NFE2L3: variants seen among roughly 807,000 people sequenced by gnomAD.
NFE2L3 encodes nuclear factor erythroid 2-related factor 3.
NFE2L3 carries 18 observed loss-of-function variants against 23.5 expected under a neutral mutation model. The ratio of observed to expected loss-of-function variants is 0.77; its 90% confidence interval spans 0.53 to 1.13. The LOEUF is 1.13. NFE2L3 is among the 50% of genes most tolerant of loss of function. NFE2L3 has a pLI of 0.00. For missense variants in NFE2L3, 1,152 were observed against 877.2 expected (o/e 1.31, Z -3.96); for synonymous variants, 424 against 354.5 (o/e 1.20, Z -2.20).
At chr7:26,157,433 G>A (rs1407101509) in intron 1 of NFE2L3, among the ~76,000 whole-genome samples, 2 of 151,898 alleles carry the variant, frequency 1.3e-5, no homozygotes, top group East Asian at 3.9e-4. Context: ...ATGAGCTACT[G>A]CACCTGGCCT....
At chr7:26,179,444 G>A (rs1270976302) in intron 2 of NFE2L3, among the ~76,000 whole-genome samples, 1 of 151,410 alleles carries the variant, frequency 6.6e-6, no homozygotes, top group African/African-American at 2.4e-5. Flanking sequence ...AGGCTGCAGT[G>A]AGCTGTGATC....
At chr7:26,181,380 A>G (rs1784505707) in intron 2 of NFE2L3, among the ~76,000 whole-genome samples, 1 of 152,156 alleles carries the variant, frequency 6.6e-6, no homozygotes, top group African/African-American at 2.4e-5. Context: ...AATGAGTTAG[A>G]CCAGTGAATC....
intron 1 of NFE2L3, among the ~76,000 whole-genome samples, chr7:26,165,080 C>T (rs1323578109): frequency 7.2e-5 from 11 of 152,124 alleles, no homozygotes; most frequent in East Asian, 1.9e-4. Flanking sequence ...AGTCAGGTAG[C>T]GTGATGCCTC....
At chr7:26,174,682 T>A (rs951944523) in intron 1 of NFE2L3, 1 of 152,226 alleles carries the variant, frequency 6.6e-6, no homozygotes, top group Middle Eastern at 3.2e-3. Flanking sequence ...TTGATTTTTA[T>A]CCTTTCTTCT....
Position 26,152,979 on chromosome 7 carries a change from C to T in NFE2L3, c.481C>T (p.Arg161Trp). Residue 161 changes from arginine to tryptophan, a missense_variant, in exon 1 of 4, where the codon CGG (arginine) becomes TGG (tryptophan). Physicochemically the swap from Arg to Trp is moderately radical, Grantham distance 101 (BLOSUM62 -3). Transcript: ENST00000056233. This position sits in a 1 kb window ranked among gnomAD's most constrained non-coding sequence, Gnocchi z 4.4. ...QGGGGDPRAA[R>W]SGPLDAGEEE... The stretch of plus-strand genomic sequence containing the variant: ...GGGCGGCGGGGACCCCCGAGCGGCT[C>T]GGAGTGGCCCCTTGGACGCCGGGGA... 2 of 1,505,042 alleles carry T rather than the reference C, an allele frequency of 1.3e-6. No homozygotes were observed. The highest frequency in any genetic ancestry group is 1.8e-6 in the Non-Finnish European group (2 of 1,133,520). 93.2% of individuals were successfully genotyped at this position (1,505,042 alleles called of 1,614,324 possible).
chr7:26,184,908 G>C lies in NFE2L3; in HGVS notation c.1210G>C (p.Asp404His). ...LMSLATEDNF[D>H]PIDVSQLFDE... ...GTCATTGGCCACAGAAGACAACTTT[G>C]ATCCAATCGATGTTTCTCAGCTTTT... Residue 404 changes from aspartate to histidine, a missense_variant, in exon 4 of 4, where the codon GAT becomes CAT. Asp to His is a moderately conservative substitution (Grantham distance 81). Coordinates refer to ENST00000056233, the MANE Select transcript of NFE2L3 (RefSeq NM_004289.7). 1 of 1,613,890 alleles carries C rather than the reference G, an allele frequency of 6.2e-7. No individual in the cohort carries two copies. The highest frequency in any genetic ancestry group is 8.5e-7 in the Non-Finnish European group (1 of 1,179,840).
intron 2 of NFE2L3, among the ~76,000 whole-genome samples, chr7:26,183,306 G>A (rs1046393154): frequency 1.3e-5 from 2 of 152,134 alleles, no homozygotes; most frequent in African/African-American, 4.8e-5. Context: ...CCAGCACTTT[G>A]GGAGGCCTAG....
chr7:26,159,168 C>G (rs991027855), intron 1 of NFE2L3, among the ~76,000 whole-genome samples: 1 of 152,148 alleles, frequency 6.6e-6, no homozygotes, highest in Non-Finnish European at 1.5e-5. Context: ...GACCCAGCCC[C>G]CAGCTGCTCT....
In NFE2L3 at chr7:26,184,876, ACTT is replaced by A. The variant is rs1275977964; in HGVS notation, c.1179_1181del (p.Asn393_Leu394delinsLys). On this transcript the variant is annotated inframe_deletion, in exon 4 of 4. Coordinates refer to ENST00000056233, the MANE Select transcript of NFE2L3 (RefSeq NM_004289.7). ...GACATAAATATATTTGATGAGATAAACTTAATGTCATTGGCCACAGAAGACAAC... is the reference window on the plus strand; with the variant it reads ...GACATAAATATATTTGATGAGATAAAAATGTCATTGGCCACAGAAGACAAC... 7 of 1,613,692 alleles carry A rather than the reference ACTT, an allele frequency of 4.3e-6. No homozygotes were observed. The African/African-American group carries it at 5.3e-5, about 12-fold the overall frequency.
chr7:26,184,167 A>G, intron 3 of NFE2L3: 1 of 334,546 alleles, frequency 3.0e-6, no homozygotes, highest in Non-Finnish European at 5.5e-6. Context: ...TCTCCTCCAG[A>G]CTACTTCACT....
At chr7:26,167,267 A>C (rs1562671818) in intron 1 of NFE2L3, among the ~76,000 whole-genome samples, 1 of 152,214 alleles carries the variant, frequency 6.6e-6, no homozygotes, top group Non-Finnish European at 1.5e-5. Context: ...TAGATAGAAC[A>C]GGATAAGTGC....
In NFE2L3 at chr7:26,184,779, T is replaced by C. The variant is rs767517232; in HGVS notation, c.1081T>C (p.Leu361=). The change falls in exon 4 of 4, where the codon TTG becomes CTG. Residue 361 remains leucine, a synonymous_variant. Coordinates refer to ENST00000056233, the MANE Select transcript of NFE2L3 (RefSeq NM_004289.7). ...NPEQTLPGTN[L]TGFLSPVDNH... Reference sequence around the variant, plus strand: ...TGAGCAAACCCTTCCTGGAACTAATTTGACAGGATTTCTTTCACCGGTTGA... The same window carrying C: ...TGAGCAAACCCTTCCTGGAACTAATCTGACAGGATTTCTTTCACCGGTTGA... 6.8e-6 allele frequency: 11 copies of C among 1,613,936 alleles called. No homozygotes were observed. In the East Asian group the frequency reaches 2.2e-4, roughly 33 times the overall value.
chr7:26,182,577 G>T lies in NFE2L3; in HGVS notation c.751-1124G>T, dbSNP rs1044966477. Among the ~76,000 whole-genome samples, 8 of 145,154 alleles carry T rather than the reference G, an allele frequency of 5.5e-5. No homozygotes were observed. In the South Asian group the frequency reaches 6.2e-4, roughly 11 times the overall value. On this transcript the variant is annotated intron_variant, in intron 2 of 3. Transcript: ENST00000056233. The stretch of plus-strand genomic sequence containing the variant: ...CAGGAGGCGGAGATTGCAGTGAGCT[G>T]AGATCTCACCAGTGCTCTCCAGCCT...
rs1170409989 is a variant in NFE2L3, at chr7:26,184,733, A to G, written c.1035A>G (p.Leu345=). The part of the protein sequence containing the change: ...TSQSQEPFLQ[L]NSHTTNPEQT... ...AGTCACAAGAACCATTTCTGCAGTT[A>G]AATTCTCATACCACCAATCCTGAGC... Residue 345 remains leucine, a synonymous_variant, in exon 4 of 4, where the codon TTA becomes TTG. Transcript: ENST00000056233. 3.1e-6 allele frequency: 5 copies of G among 1,613,924 alleles called. No homozygotes were observed. In the South Asian group the frequency reaches 4.4e-5, roughly 14 times the overall value.
intron 2 of NFE2L3, 66 bp from the exon 3 acceptor site, chr7:26,183,635 A>G: frequency 7.4e-6 from 7 of 942,536 alleles, no homozygotes; most frequent in Non-Finnish European, 1.2e-5. Flanking sequence ...CTTTAAAGAT[A>G]AAGCCTAAAG....
intron 1 of NFE2L3, among the ~76,000 whole-genome samples, chr7:26,168,079 C>G (rs1392501090): frequency 6.9e-6 from 1 of 144,552 alleles, no homozygotes; most frequent in Admixed American, 6.9e-5. Context: ...CCCTCACCCC[C>G]CTCTCTCCCT....
In NFE2L3 at chr7:26,185,337, A is replaced by G. The variant is rs548939980; in HGVS notation, c.1639A>G (p.Ile547Val). 2 of 1,614,148 alleles carry G rather than the reference A, an allele frequency of 1.2e-6. No individual in the cohort carries two copies. Among genetic ancestry groups the G allele is most frequent in the East Asian group, 2.2e-5 (1 of 44,892 alleles). ...TGAACAGCGTGCTAAAGCTTTGCATATCCCTTTTTCTGTAGATGAAATTGT... is the reference window on the plus strand; with the variant it reads ...TGAACAGCGTGCTAAAGCTTTGCATGTCCCTTTTTCTGTAGATGAAATTGT... ...RDEQRAKALH[I>V]PFSVDEIVGM... The change falls in exon 4 of 4, where the codon ATC becomes GTC. Residue 547 changes from isoleucine (I) to valine (V), a missense_variant. Physicochemically the swap from Ile to Val is conservative, Grantham distance 29. Transcript: ENST00000056233.
Position 26,152,435 on chromosome 7 carries a change from C to T in NFE2L3, c.-64C>T, listed in dbSNP as rs1784010287. The T allele has an allele frequency of 8.6e-7, 1 of 1,163,292 alleles. No homozygotes were observed. The highest frequency in any genetic ancestry group is 4.1e-5 in the South Asian group (1 of 24,402). 72.1% of individuals were successfully genotyped at this position (1,163,292 alleles called of 1,614,324 possible). On this transcript the variant is annotated 5_prime_UTR_variant, in exon 1 of 4. Transcript: ENST00000056233. This position sits in a 1 kb window ranked among gnomAD's most constrained non-coding sequence, Gnocchi z 4.4. ...GGCGCGCGGGGTCCGCACGTGTCAC[C>T]CCGGCGGCTGGGGCGCCGGGACCCG... is the stretch of plus-strand genomic sequence containing the variant.
rs1334357853 is a variant in NFE2L3, at chr7:26,184,963, C to G, written c.1265C>G (p.Ser422Cys). Reference protein sequence around the residue: ...FDEPDSDSGLSLDSSHNNTSV... With the variant: ...FDEPDSDSGLCLDSSHNNTSV... ...GAACCAGATTCTGATTCTGGCCTTT[C>G]TTTAGATTCAAGTCACAATAATACC... The change falls in exon 4 of 4, where the codon TCT becomes TGT. Residue 422 changes from serine to cysteine, a missense_variant. By Grantham distance (112) the Ser-to-Cys change is moderately radical. Coordinates refer to ENST00000056233, the MANE Select transcript of NFE2L3 (RefSeq NM_004289.7). 2.3e-5 allele frequency: 37 copies of G among 1,613,734 alleles called. No homozygotes were observed. The highest frequency in any genetic ancestry group is 3.1e-5 in the Non-Finnish European group (36 of 1,179,828).
Sources: allele counts gnomAD v4.1 joint callset (sites outside exome capture counted in the v4.1 genomes callset), GRCh38; gene constraint gnomAD v4.1.1; non-coding constraint Gnocchi (gnomAD v3.1); transcripts MANE v1.5; gene names NCBI Gene and HGNC (gene_info 2026-07-23, HGNC 2026-07-21).